The following DHX8 variants were observed in gnomAD, a reference collection of about 807,000 sequenced individuals.
The protein encoded by DHX8 is ATP-dependent RNA helicase DHX8.
In DHX8, 67 loss-of-function variants were observed where a neutral mutation model predicts 140.7. The observed-to-expected ratio is 0.48, with a 90% CI of 0.39 to 0.58. DHX8 has a LOEUF of 0.58. DHX8 is among the 20% of genes least tolerant of loss of function. DHX8 has a pLI of 0.00. For synonymous variants in DHX8, 533 were observed against 553.2 expected, an observed-to-expected ratio of 0.96 and a Z score of 0.51; for missense variants, 887 against 1,550.7, an observed-to-expected ratio of 0.57 and a Z score of 7.19.
chr17:43,541,737 C>T (rs1200868519), intron 3 of DHX8, among the ~76,000 whole-genome samples: 9 of 152,126 alleles, frequency 5.9e-5, no homozygotes, highest in East Asian at 1.9e-4. Context: ...ATTGTGTCAC[C>T]GCTGTCCCTT....
chr17:43,499,248 A>G (rs532191327), intron 10 of DHX8, among the ~76,000 whole-genome samples: 16 of 152,314 alleles, frequency 1.1e-4, no homozygotes, highest in African/African-American at 3.6e-4. Context: ...TAGGGCTTGA[A>G]TCTTGCAGAT....
rs113437326 is a variant in DHX8 at position 43,509,580 on chromosome 17, C to T, written c.2502+1060C>T. 8.7e-3 allele frequency among the ~76,000 whole-genome samples: 1,314 copies of T among 151,476 alleles called. 26 individuals are homozygous for T. Among genetic ancestry groups the T allele is most frequent in the African/African-American group, 0.031 (1,261 of 41,212 alleles). On this transcript the variant is annotated intron_variant, in intron 16 of 22. Transcript: ENST00000262415. Reference sequence around the variant, plus strand: ...CTCACTGCAACCTCTGCCTTTCAGGCTCAAGTGATCCTCCTGCCTCAGCCG... The same window carrying T: ...CTCACTGCAACCTCTGCCTTTCAGGTTCAAGTGATCCTCCTGCCTCAGCCG...
chr17:43,543,705 G>T (rs1971644648), intron 3 of DHX8, among the ~76,000 whole-genome samples: 1 of 152,166 alleles, frequency 6.6e-6, no homozygotes, highest in Non-Finnish European at 1.5e-5. Flanking sequence ...GGGCATGCAG[G>T]ACTTGCAGGG....
At chr17:43,499,048 G>GATCTAAT in intron 10 of DHX8, 89 bp downstream of exon 10, 1 of 955,712 alleles carries the variant, frequency 1.0e-6, no homozygotes, top group Non-Finnish European at 1.5e-6. Flanking sequence ...TGCGTAAGTA[G>GATCTAAT]AACTTGGGCC....
chr17:43,485,079 G>A (rs892277673), intron 1 of DHX8, among the ~76,000 whole-genome samples: 13 of 152,216 alleles, frequency 8.5e-5, no homozygotes, highest in African/African-American at 2.9e-4. Context: ...TACAGAGGAT[G>A]GATGGGATCA....
At chr17:43,518,593 G>T (rs1970228266) in intron 18 of DHX8, 1 of 151,326 alleles carries the variant, frequency 6.6e-6, no homozygotes, top group Non-Finnish European at 1.5e-5. Context: ...TATTATTATT[G>T]TAAAATACAT....
intron 3 of DHX8, among the ~76,000 whole-genome samples, chr17:43,541,198 C>G (rs12603164): frequency 0.29 from 43,964 of 152,082 alleles, 6,612 homozygotes; most frequent in Middle Eastern, 0.34. Flanking sequence ...GGCCTTCTCC[C>G]AAAGGGGTAG....
intron 10 of DHX8, 36 bp downstream of exon 10, chr17:43,498,995 A>G (rs1424551868): frequency 2.7e-6 from 4 of 1,501,094 alleles, no homozygotes; most frequent in Non-Finnish European, 2.7e-6. Flanking sequence ...GGAAATGTCA[A>G]GTGGACTTCT....
intron 3 of DHX8, among the ~76,000 whole-genome samples, chr17:43,543,329 CACAG>C (rs1417175297): frequency 6.6e-6 from 1 of 151,678 alleles, no homozygotes; most frequent in Non-Finnish European, 1.5e-5. Context: ...CCGACACTGA[CACAG>C]ACAGACATTT....
At chr17:43,541,862 AAGG>A (rs1170068352) in intron 3 of DHX8, among the ~76,000 whole-genome samples, 1 of 152,118 alleles carries the variant, frequency 6.6e-6, no homozygotes, top group Non-Finnish European at 1.5e-5. Flanking sequence ...AAAGATGGAG[AAGG>A]AGGCATTGTA....
intron 2 of DHX8, among the ~76,000 whole-genome samples, chr17:43,536,144 C>G (rs1395077956): frequency 6.6e-6 from 1 of 151,170 alleles, no homozygotes; most frequent in African/African-American, 2.5e-5. Flanking sequence ...AAACAAACAA[C>G]ACTAGAACTG....
downstream of DHX8, chr17:43,529,167 G>A (rs371621564): frequency 9.3e-6 from 15 of 1,613,688 alleles, no homozygotes; most frequent in Middle Eastern, 1.6e-4. Flanking sequence ...TAATAGTATC[G>A]GAGCGAGCGG....
intron 2 of DHX8, chr17:43,533,993 G>A: frequency 1.3e-6 from 2 of 1,523,836 alleles, no homozygotes; most frequent in African/African-American, 2.9e-5. Flanking sequence ...CTACTGTGGG[G>A]GTGGAGGGGA....
chr17:43,504,587 C>G (rs1002054453), intron 11 of DHX8, 57 bp from the exon 12 acceptor site: 2 of 1,511,286 alleles, frequency 1.3e-6, no homozygotes, highest in African/African-American at 1.4e-5. Flanking sequence ...TATTTTTTTC[C>G]TGGTACATCT....
At chr17:43,522,299 TG>T in intron 22 of DHX8, 73 bp downstream of exon 22, 1 of 1,468,466 alleles carries the variant, frequency 6.8e-7, no homozygotes, top group Non-Finnish European at 9.2e-7. Context: ...TGGTATTTTG[TG>T]ATTGTGTCTT....
chr17:43,508,312 T>C, intron 15 of DHX8, 27 bp from the exon 16 acceptor site: 1 of 1,595,620 alleles, frequency 6.3e-7, no homozygotes, highest in Non-Finnish European at 8.5e-7. Context: ...ACACAGAAAG[T>C]AGATGAATGT....
At chr17:43,527,893 TG>T (rs754054447), downstream of DHX8, 3 of 231,798 alleles carry the variant, frequency 1.3e-5, no homozygotes, top group Non-Finnish European at 2.6e-5. Flanking sequence ...GTGGTGGAGG[TG>T]GAAGTACAAA....
At chr17:43,510,987 C>T (rs1360233528) in intron 16 of DHX8, among the ~76,000 whole-genome samples, 1 of 152,102 alleles carries the variant, frequency 6.6e-6, no homozygotes, top group African/African-American at 2.4e-5. Flanking sequence ...TTGCTGAATA[C>T]TGTTGTGTTG....
At chr17:43,530,848 A>G (rs1207701530), downstream of DHX8, among the ~76,000 whole-genome samples, 1 of 151,924 alleles carries the variant, frequency 6.6e-6, no homozygotes, top group Non-Finnish European at 1.5e-5. Context: ...ACTCCCACCT[A>G]TGAATGAGAA....
Sources: gnomAD v4.1 joint callset for allele counts (sites outside exome capture counted in the v4.1 genomes callset) on GRCh38, gnomAD v4.1.1 for gene constraint, MANE v1.5 for transcripts, NCBI Gene and HGNC (gene_info 2026-07-23, HGNC 2026-07-21) for gene names.